SEC24D: variants seen among roughly 807,000 people sequenced by gnomAD.
SEC24D encodes the protein protein transport protein Sec24D.
In SEC24D, 69 loss-of-function variants were observed where a neutral mutation model predicts 116.9. That is an observed-to-expected ratio of 0.59 (90% CI 0.49 to 0.72). The LOEUF is 0.72. Among genes scored for constraint, SEC24D ranks in the 30% least tolerant of loss-of-function variants. The pLI is 0.00. For synonymous variants in SEC24D, 405 were observed against 442.8 expected, an observed-to-expected ratio of 0.91 and a Z score of 1.07; for missense variants, 1,131 against 1,264.1, an observed-to-expected ratio of 0.89 and a Z score of 1.60.
intron 6 of SEC24D, among the ~76,000 whole-genome samples, chr4:118,809,214 C>T (rs149747221): frequency 0.044 from 6,655 of 152,020 alleles, 204 homozygotes; most frequent in Non-Finnish European, 0.064. Flanking sequence ...CCTCGTGATC[C>T]GCCCGCCTCA....
chr4:118,810,243 T>C (rs1201526261), intron 6 of SEC24D, among the ~76,000 whole-genome samples: 2 of 152,110 alleles, frequency 1.3e-5, no homozygotes, highest in Non-Finnish European at 2.9e-5. Flanking sequence ...TGACATGATC[T>C]GACTTAGAAT....
intron 6 of SEC24D, among the ~76,000 whole-genome samples, chr4:118,811,694 T>TA (rs1729927649): frequency 6.6e-6 from 1 of 152,196 alleles, no homozygotes; most frequent in African/African-American, 2.4e-5. Context: ...TCAGTCCCCA[T>TA]AATGAAGTAA....
intron 8 of SEC24D, among the ~76,000 whole-genome samples, chr4:118,781,202 G>A (rs1321194609): frequency 1.3e-5 from 2 of 152,016 alleles, no homozygotes; most frequent in African/African-American, 4.8e-5. Context: ...TTACAATTTG[G>A]CATGTTTTTG....
intron 20 of SEC24D, among the ~76,000 whole-genome samples, chr4:118,731,728 A>G (rs1207519504): frequency 6.6e-6 from 1 of 152,188 alleles, no homozygotes; most frequent in Non-Finnish European, 1.5e-5. Flanking sequence ...AGTAAAATAT[A>G]CAGAATATAG....
intron 3 of SEC24D, among the ~76,000 whole-genome samples, chr4:118,823,888 T>A (rs147448841): frequency 1.3e-5 from 2 of 152,194 alleles, no homozygotes; most frequent in African/African-American, 4.8e-5. Context: ...CACAGACCCA[T>A]TGGCGACAAT....
At chr4:118,759,222 A>G (rs1041509112) in intron 10 of SEC24D, among the ~76,000 whole-genome samples, 1 of 152,182 alleles carries the variant, frequency 6.6e-6, no homozygotes, top group Non-Finnish European at 1.5e-5. Flanking sequence ...ATTTCTCTAT[A>G]TGGGAATAAC....
At chr4:118,759,005 C>G (rs1015847800) in intron 10 of SEC24D, among the ~76,000 whole-genome samples, 3 of 152,098 alleles carry the variant, frequency 2.0e-5, no homozygotes, top group Non-Finnish European at 4.4e-5. Flanking sequence ...AAATAACAAC[C>G]TTTCCATTAG....
At chr4:118,750,265 C>G (rs931281326) in intron 13 of SEC24D, among the ~76,000 whole-genome samples, 2 of 152,154 alleles carry the variant, frequency 1.3e-5, no homozygotes, top group Non-Finnish European at 2.9e-5. Context: ...TAATTAGTAT[C>G]AAATTTCAGA....
Position 118,725,595 on chromosome 4 carries a change from C to G in SEC24D, c.2959-1940G>C, listed in dbSNP as rs147243253. 1.1e-4 allele frequency among the ~76,000 whole-genome samples: 17 copies of G among 151,482 alleles called. No individual in the cohort carries two copies. In the East Asian group the frequency reaches 3.3e-3, roughly 29 times the overall value. On this transcript the variant is annotated intron_variant, in intron 22 of 22. Transcript: ENST00000280551. ...TCAGATTGCTCATCTGAGGTATTTT[C>G]TATTGCTGCCATTCACTTGGGTTTT...
rs942668832 is a variant in SEC24D, at chr4:118,775,851, TTCA to T, written c.1042-7543_1042-7541del. ...AAGAGTTTTTAGAATTTTTGTTTGT[TTCA>T]TCATCTCATATTTCACTCAATTCAT... On this transcript the variant is annotated intron_variant, in intron 8 of 22. Transcript: ENST00000280551. Among the ~76,000 whole-genome samples, 498 of 152,318 alleles carry T rather than the reference TTCA, an allele frequency of 3.3e-3. 3 individuals carry two copies. The highest frequency in any genetic ancestry group is 0.011 in the African/African-American group (469 of 41,572).
chr4:118,831,985 G>T (rs1431451233), intron 2 of SEC24D, among the ~76,000 whole-genome samples: 1 of 152,056 alleles, frequency 6.6e-6, no homozygotes, highest in Non-Finnish European at 1.5e-5. Flanking sequence ...GGTGGATCAC[G>T]TGAGGTCAGG....
chr4:118,768,090 T>C, intron 9 of SEC24D, 83 bp downstream of exon 9: 1 of 1,183,544 alleles, frequency 8.4e-7, no homozygotes, highest in South Asian at 1.5e-5. Flanking sequence ...GAAAAAAGAA[T>C]GTATGCTTCT....
chr4:118,830,485 A>G (rs1456112240), intron 2 of SEC24D, among the ~76,000 whole-genome samples: 1 of 152,322 alleles, frequency 6.6e-6, no homozygotes, highest in African/African-American at 2.4e-5. Flanking sequence ...GGTAAATACC[A>G]GAGTGTTTTG....
At position 118,728,577 on chromosome 4, in the gene SEC24D, C is replaced by G. The variant is rs749668291; in HGVS notation, c.2942G>C (p.Arg981Thr). The change falls in exon 22 of 23, where the codon AGG (arginine) becomes ACG (threonine). Residue 981 changes from arginine (R) to threonine (T), a missense_variant. By Grantham distance (71) the Arg-to-Thr change is moderately conservative. Transcript: ENST00000280551. ...CTTTCTTACCTTCATTGAATATGGC[C>G]TCTTTTGTTGGATAATACCCATTAT... ...RMIMGIIQQK[R>T]PYSMKLTIVK... is the part of the protein sequence containing the mutation. 3 of 1,600,712 alleles carry G rather than the reference C, an allele frequency of 1.9e-6. No homozygotes were observed. The highest frequency in any genetic ancestry group is 2.6e-6 in the Non-Finnish European group (3 of 1,172,600).
intron 8 of SEC24D, among the ~76,000 whole-genome samples, chr4:118,776,313 A>G (rs1728129749): frequency 6.6e-6 from 1 of 152,152 alleles, no homozygotes; most frequent in Non-Finnish European, 1.5e-5. Flanking sequence ...AAATGCTTTA[A>G]AGCAAGCACA....
chr4:118,765,570 T>C (rs1161923593), intron 9 of SEC24D, among the ~76,000 whole-genome samples: 1 of 152,228 alleles, frequency 6.6e-6, no homozygotes, highest in Admixed American at 6.5e-5. Flanking sequence ...TGGACAAATA[T>C]GGCCTGGTAT....
At chr4:118,822,175 A>G (rs1256929194) in intron 3 of SEC24D, among the ~76,000 whole-genome samples, 1 of 152,214 alleles carries the variant, frequency 6.6e-6, no homozygotes, top group East Asian at 1.9e-4. Context: ...GGTACTCTGC[A>G]TGTATTAATC....
chr4:118,754,164 C>T (rs1726966526), intron 11 of SEC24D: 1 of 152,104 alleles, frequency 6.6e-6, no homozygotes, highest in South Asian at 2.1e-4. Flanking sequence ...TTCTCATAAT[C>T]CCTTCCAAAA....
At chr4:118,794,369 G>C (rs1729082513) in intron 8 of SEC24D, among the ~76,000 whole-genome samples, 1 of 152,108 alleles carries the variant, frequency 6.6e-6, no homozygotes, top group African/African-American at 2.4e-5. Flanking sequence ...ACCCAGGTCA[G>C]CTTTATCACG....
Sources: allele counts gnomAD v4.1 joint callset (sites outside exome capture counted in the v4.1 genomes callset), GRCh38; gene constraint gnomAD v4.1.1; transcripts MANE v1.5; gene names NCBI Gene and HGNC (gene_info 2026-07-23, HGNC 2026-07-21).